GOLGA6C: variants seen among roughly 807,000 people sequenced by gnomAD.
GOLGA6C encodes golgin subfamily A member 6C.
Under a neutral mutation model 57.5 loss-of-function variants are expected in GOLGA6C, and 3 were observed. The observed-to-expected ratio is 0.05, with a 90% CI of 0.02 to 0.13. The LOEUF (loss-of-function observed/expected upper bound fraction) is 0.13, where lower values mean the gene tolerates loss of function less well. Ranked by LOEUF, GOLGA6C falls within the 10% of genes least tolerant of loss-of-function variation. GOLGA6C has a pLI of 1.00. For synonymous variants in GOLGA6C, 32 were observed against 203.8 expected (o/e 0.16, Z 7.18); for missense variants, 88 against 525.6 (o/e 0.17, Z 8.14).
chr15:75,258,824 C>A, intron 1 of GOLGA6C, 142 bp downstream of exon 1: 2 of 806,994 alleles, frequency 2.5e-6, no homozygotes, highest in Non-Finnish European at 4.2e-6. Context: ...GCTCCCCCCA[C>A]CAAAGTCTTG....
chr15:75,259,043 A>G (rs2070721824), intron 1 of GOLGA6C, among the ~76,000 whole-genome samples: 1 of 149,922 alleles, frequency 6.7e-6, no homozygotes, highest in Admixed American at 6.6e-5. Context: ...ATCGCCAGTC[A>G]TCCCGGGGTG....
chr15:75,269,057 G>A (rs2070770648), intron 14 of GOLGA6C, among the ~76,000 whole-genome samples, 169 bp downstream of exon 14: 1 of 118,912 alleles, frequency 8.4e-6, no homozygotes, highest in Non-Finnish European at 1.8e-5. Context: ...ACTCTCTGAG[G>A]CCCCAAGGGA....
chr15:75,260,383 A>G lies in GOLGA6C; in HGVS notation c.95A>G (p.Tyr32Cys), dbSNP rs752655110. Residue 32 changes from tyrosine (Y) to cysteine (C), a missense_variant, in exon 2 of 18, where the codon TAT becomes TGT. Physicochemically the swap from Tyr to Cys is radical, Grantham distance 194 (BLOSUM62 -2). Transcript: ENST00000300576. ...TCTTCTTTCCCACAGCTAAAAGAAT[A>G]TCAGCAAAGGAAGAGCCCTGGTATT... ...LAAAKKKLKEYQQRKSPGIPA... is the reference protein window; with the variant it reads ...LAAAKKKLKECQQRKSPGIPA... 1.3e-6 allele frequency: 2 copies of G among 1,599,950 alleles called. No individual in the cohort carries two copies. The highest frequency in any genetic ancestry group is 1.7e-5 in the Admixed American group (1 of 59,652).
chr15:75,272,896 GA>G lies in GOLGA6C; in HGVS notation c.*2700del, dbSNP rs1272236713. ...ACATTAGAAGGGTAGAGTTTAATCA[GA>G]AACATAGAATTTTAAAGTGTGGGTT... On this transcript the variant is annotated 3_prime_UTR_variant, in exon 18 of 18. Transcript: ENST00000300576. 6.6e-6 allele frequency among the ~76,000 whole-genome samples: 1 copy of G among 152,036 alleles called. No individual in the cohort carries two copies. The highest frequency in any genetic ancestry group is 2.4e-5 in the African/African-American group (1 of 41,242).
At chr15:75,269,306 A>T in intron 14 of GOLGA6C, 147 bp from the exon 15 acceptor site, 1 of 595,790 alleles carries the variant, frequency 1.7e-6, no homozygotes, top group East Asian at 3.0e-5. Context: ...AGGACTGGAG[A>T]TGAGTTTGTG....
chr15:75,270,626 G>A lies in GOLGA6C; in HGVS notation c.*427G>A, dbSNP rs529014070. On this transcript the variant is annotated 3_prime_UTR_variant, in exon 18 of 18. Transcript: ENST00000300576. The stretch of plus-strand genomic sequence containing the variant: ...GAACAGGCTGCCATGCTTTTTTAAT[G>A]TTATTGCAGCATGTATATTCATTCC... Among the ~76,000 whole-genome samples the A allele has an allele frequency of 2.9e-4, 13 of 44,228 alleles. No homozygotes were observed. Among genetic ancestry groups the A allele is most frequent in the Non-Finnish European group, 4.2e-4 (10 of 23,790 alleles). The allele number at this position is 44,228 out of a possible 152,430, so 29.0% of individuals were successfully genotyped here. A position where few individuals can be genotyped will look rare whatever the true frequency, so the allele number is the denominator to read the frequency against.
At position 75,270,317 on chromosome 15, in the gene GOLGA6C, A is replaced by G. The variant is rs1292955963; in HGVS notation, c.*118A>G. ...GGTCAAGAAATTTAAAACAACAACA[A>G]CAAAAAGTTACGGGGTTCATCTCCT... On this transcript the variant is annotated 3_prime_UTR_variant, in exon 18 of 18. Transcript: ENST00000300576. 5 of 1,481,748 alleles carry G rather than the reference A, an allele frequency of 3.4e-6. No homozygotes were observed. Among genetic ancestry groups the G allele is most frequent in the South Asian group, 1.3e-5 (1 of 74,448 alleles). 91.8% of individuals were successfully genotyped at this position (1,481,748 alleles called of 1,614,324 possible).
At chr15:75,258,800 C>G (rs2070719526) in intron 1 of GOLGA6C, 118 bp downstream of exon 1, 1 of 755,962 alleles carries the variant, frequency 1.3e-6, no homozygotes. Flanking sequence ...GCCCCCCTAC[C>G]CCGGCGCCTC....
chr15:75,265,072 G>C, intron 7 of GOLGA6C, 50 bp from the exon 8 acceptor site: 2 of 1,603,682 alleles, frequency 1.2e-6, no homozygotes, highest in Non-Finnish European at 1.7e-6. Context: ...CCTTTTAAGG[G>C]GCACTGCCCG....
rs1356246115 is a variant in GOLGA6C, at chr15:75,273,344, G to C, written c.*3145G>C. ...GACTTTTACCAGTTTATGAATTCTT[G>C]TAAACAGAATGTATAATAGAAATAC... On this transcript the variant is annotated 3_prime_UTR_variant, in exon 18 of 18. Coordinates refer to ENST00000300576, the MANE Select transcript of GOLGA6C (RefSeq NM_001164404.2). Among the ~76,000 whole-genome samples, 3 of 151,946 alleles carry C rather than the reference G, an allele frequency of 2.0e-5. No homozygotes were observed. The highest frequency in any genetic ancestry group is 7.3e-5 in the African/African-American group (3 of 41,234).
Position 75,273,151 on chromosome 15 carries a change from G to A in GOLGA6C, c.*2952G>A, listed in dbSNP as rs1218735809. Among the ~76,000 whole-genome samples the A allele has an allele frequency of 6.6e-6, 1 of 152,158 alleles. No homozygotes were observed. The highest frequency in any genetic ancestry group is 1.9e-4 in the East Asian group (1 of 5,206). ...TTTATCTTAAAGAGTCATTTTAAAA[G>A]AATATAACTATTCAAAAATGTAACT... On this transcript the variant is annotated 3_prime_UTR_variant, in exon 18 of 18. Coordinates refer to ENST00000300576, the MANE Select transcript of GOLGA6C (RefSeq NM_001164404.2).
At chr15:75,260,588 G>C in intron 2 of GOLGA6C, 96 bp downstream of exon 2, 3 of 761,358 alleles carry the variant, frequency 3.9e-6, no homozygotes, top group Non-Finnish European at 6.3e-6. Context: ...AGAATTCTGG[G>C]TTTGAATCCT....
At chr15:75,260,640 T>A (rs2070731793) in intron 2 of GOLGA6C, 148 bp downstream of exon 2, 1 of 1,095,006 alleles carries the variant, frequency 9.1e-7, no homozygotes, top group Non-Finnish European at 1.3e-6. Context: ...GCAAGTTGCT[T>A]GAGCTCTTTG....
chr15:75,259,090 ACT>A (rs2070722296), intron 1 of GOLGA6C, among the ~76,000 whole-genome samples: 1 of 151,412 alleles, frequency 6.6e-6, no homozygotes, highest in Non-Finnish European at 1.5e-5. Flanking sequence ...CCCTGAGCAG[ACT>A]CTGCTCTCCC....
intron 17 of GOLGA6C, 31 bp downstream of exon 17, chr15:75,270,016 G>A (rs757235579): frequency 2.5e-6 from 4 of 1,592,798 alleles, no homozygotes; most frequent in Non-Finnish European, 3.4e-6. Flanking sequence ...GGGTGGGCAG[G>A]CAGGGGCAGG....
chr15:75,260,637 G>T lies in GOLGA6C; in HGVS notation c.204+145G>T. The T allele has an allele frequency of 5.5e-6, 6 of 1,084,894 alleles. 1 individual carries two copies. The highest frequency in any genetic ancestry group is 7.8e-6 in the Non-Finnish European group (6 of 765,154). The allele number at this position is 1,084,894 out of a possible 1,614,324, so 67.2% of individuals were successfully genotyped here. A position where few individuals can be genotyped will look rare whatever the true frequency, so the allele number is the denominator to read the frequency against. ...CTAGCGATCTGATTTATGGCAAGTTGCTTGAGCTCTTTGAGCCTCTCTTTT... is the reference window on the plus strand; with the variant it reads ...CTAGCGATCTGATTTATGGCAAGTTTCTTGAGCTCTTTGAGCCTCTCTTTT... On this transcript the variant is annotated intron_variant, in intron 2 of 17. Transcript: ENST00000300576.
Position 75,270,153 on chromosome 15 carries a change from C to T in GOLGA6C, c.2036C>T (p.Pro679Leu), listed in dbSNP as rs764247745. The T allele has an allele frequency of 1.0e-3, 1,607 of 1,592,368 alleles. 95 individuals are homozygous for T. The highest frequency in any genetic ancestry group is 1.2e-3 in the Non-Finnish European group (1,391 of 1,174,402). The part of the protein sequence containing the change: ...AREGSPHDNP[P>L]VQQIVQLSPV... ...GAGGGTTCTCCCCATGACAACCCCCCGGTACAGCAGATCGTGCAGCTGTCT... is the reference window on the plus strand; with the variant it reads ...GAGGGTTCTCCCCATGACAACCCCCTGGTACAGCAGATCGTGCAGCTGTCT... The change falls in exon 18 of 18, where the codon CCG (proline) becomes CTG (leucine). Residue 679 changes from proline (P) to leucine (L), a missense_variant. By Grantham distance (98) the Pro-to-Leu change is moderately conservative. Coordinates refer to ENST00000300576, the MANE Select transcript of GOLGA6C (RefSeq NM_001164404.2).
Position 75,270,146 on chromosome 15 carries a change from A to G in GOLGA6C, c.2029A>G (p.Asn677Asp), listed in dbSNP as rs1194492721. Residue 677 changes from asparagine (N) to aspartate (D), a missense_variant, in exon 18 of 18, where the codon AAC becomes GAC. Transcript: ENST00000300576. ...GAAREGSPHD[N>D]PPVQQIVQLS... ...GGCCAGGGAGGGTTCTCCCCATGAC[A>G]ACCCCCCGGTACAGCAGATCGTGCA... 1 of 1,592,568 alleles carries G rather than the reference A, an allele frequency of 6.3e-7. No individual in the cohort carries two copies. The highest frequency in any genetic ancestry group is 1.1e-5 in the South Asian group (1 of 89,330).
Position 75,258,514 on chromosome 15 carries a change from T to G in GOLGA6C, c.-85T>G. 3 of 366,800 alleles carry G rather than the reference T, an allele frequency of 8.2e-6. No individual in the cohort carries two copies. Among genetic ancestry groups the G allele is most frequent in the Non-Finnish European group, 1.4e-5 (3 of 207,480 alleles). 22.7% of individuals were successfully genotyped at this position (366,800 alleles called of 1,614,324 possible). A position where few individuals can be genotyped will look rare whatever the true frequency, so the allele number is the denominator to read the frequency against. ...GATTGGAGCATTAAGGCCACACCCCTATTCTGCATTCTAGTGTGGCCCTGG... is the reference window on the plus strand; with the variant it reads ...GATTGGAGCATTAAGGCCACACCCCGATTCTGCATTCTAGTGTGGCCCTGG... On this transcript the variant is annotated 5_prime_UTR_variant, in exon 1 of 18. Coordinates refer to ENST00000300576, the MANE Select transcript of GOLGA6C (RefSeq NM_001164404.2).
Sources: gnomAD v4.1 joint callset for allele counts (sites outside exome capture counted in the v4.1 genomes callset) on GRCh38, gnomAD v4.1.1 for gene constraint, MANE v1.5 for transcripts, NCBI Gene and HGNC (gene_info 2026-07-23, HGNC 2026-07-21) for gene names.